Variants in ADAMTS2 observed in about 807,000 individuals in gnomAD.
ADAMTS2 encodes the protein ADAM metallopeptidase with thrombospondin type 1 motif 2.
ADAMTS2 carries 50 observed loss-of-function variants against 123.0 expected under a neutral mutation model. The observed-to-expected ratio is 0.41, with a 90% CI of 0.32 to 0.51. The LOEUF (loss-of-function observed/expected upper bound fraction) is 0.51. ADAMTS2 is among the 20% of genes least tolerant of loss of function. The pLI is 0.35. For synonymous variants in ADAMTS2, 678 were observed against 695.4 expected (o/e 0.98, Z 0.39); for missense variants, 1,494 against 1,705.2 (o/e 0.88, Z 2.18).
At position 179,115,390 on chromosome 5, in the gene ADAMTS2, A is replaced by G. The variant is rs1207926074; in HGVS notation, c.3179-1066T>C. 6.6e-6 allele frequency among the ~76,000 whole-genome samples: 1 copy of G among 152,244 alleles called. No homozygotes were observed. Among genetic ancestry groups the G allele is most frequent in the African/African-American group, 2.4e-5 (1 of 41,468 alleles). On this transcript the variant is annotated intron_variant, in intron 21 of 21. Coordinates refer to ENST00000251582, the MANE Select transcript of ADAMTS2 (RefSeq NM_014244.5). This position sits in a 1 kb window ranked among gnomAD's most constrained non-coding sequence, Gnocchi z 4.4. ...ATTTTAAAAAATTCACTCAAGAAGAAAGAATAAGTCATGTTACAGGAGATA... is the reference window on the plus strand; with the variant it reads ...ATTTTAAAAAATTCACTCAAGAAGAGAGAATAAGTCATGTTACAGGAGATA...
intron 2 of ADAMTS2, among the ~76,000 whole-genome samples, chr5:179,288,935 A>G (rs1482595065): frequency 6.6e-6 from 1 of 152,148 alleles, no homozygotes. Flanking sequence ...CGGCATCCAT[A>G]CCGCAGCACA....
intron 3 of ADAMTS2, among the ~76,000 whole-genome samples, chr5:179,233,524 A>G (rs1013157023): frequency 1.3e-5 from 2 of 152,114 alleles, no homozygotes; most frequent in South Asian, 2.1e-4. Flanking sequence ...TGTCTCCTCT[A>G]AAAAATACAA....
Position 179,130,726 on chromosome 5 carries a change from G to A in ADAMTS2, c.2291-628C>T, listed in dbSNP as rs1372741749. Among the ~76,000 whole-genome samples, 3 of 152,184 alleles carry A rather than the reference G, an allele frequency of 2.0e-5. No homozygotes were observed. The highest frequency in any genetic ancestry group is 4.4e-5 in the Non-Finnish European group (3 of 68,032). The stretch of plus-strand genomic sequence containing the variant: ...CAGTGTGGGGGGTGGCTGCTGCGGG[G>A]CAGCTGGGTGATGTGAGTGGGGCCG... On this transcript the variant is annotated intron_variant, in intron 15 of 21. Coordinates refer to ENST00000251582, the MANE Select transcript of ADAMTS2 (RefSeq NM_014244.5). This position sits in a 1 kb window ranked among gnomAD's most constrained non-coding sequence, Gnocchi z 4.3.
intron 3 of ADAMTS2, among the ~76,000 whole-genome samples, chr5:179,212,156 G>A (rs1320710749): frequency 6.6e-6 from 1 of 152,398 alleles, no homozygotes; most frequent in South Asian, 2.1e-4. Context: ...CTGCAACCTC[G>A]GGAGCATCGT....
Position 179,332,854 on chromosome 5 carries a change from C to T in ADAMTS2, c.534+10913G>A, listed in dbSNP as rs1239556236. Among the ~76,000 whole-genome samples the T allele has an allele frequency of 3.9e-5, 6 of 152,196 alleles. No individual in the cohort carries two copies. Among genetic ancestry groups the T allele is most frequent in the Non-Finnish European group, 8.8e-5 (6 of 68,034 alleles). On this transcript the variant is annotated intron_variant, in intron 2 of 21. Transcript: ENST00000251582. This position sits in a 1 kb window ranked among gnomAD's most constrained non-coding sequence, Gnocchi z 4.2. ...GGAGCACCAAGGAGGATGCCTACCA[C>T]TGCCCCCACCTTGCCCTGATCAGGT... is the stretch of plus-strand genomic sequence containing the variant.
chr5:179,146,442 A>C (rs1337856990), intron 10 of ADAMTS2, among the ~76,000 whole-genome samples: 1 of 152,156 alleles, frequency 6.6e-6, no homozygotes, highest in Non-Finnish European at 1.5e-5. Flanking sequence ...GCTTGACTTT[A>C]AGACACTCTT....
Position 179,128,191 on chromosome 5 carries a change from C to A in ADAMTS2, c.2458-73G>T. On this transcript the variant is annotated intron_variant, in intron 16 of 21. Coordinates refer to ENST00000251582, the MANE Select transcript of ADAMTS2 (RefSeq NM_014244.5). This position sits in a 1 kb window ranked among gnomAD's most constrained non-coding sequence, Gnocchi z 4.9. Reference sequence around the variant, plus strand: ...TCCTCCCCAGCCAGCTTAGGAACGGCAGCTGAGGCCGACTCCAGAGGAGTC... The same window carrying A: ...TCCTCCCCAGCCAGCTTAGGAACGGAAGCTGAGGCCGACTCCAGAGGAGTC... The A allele has an allele frequency of 6.3e-7, 1 of 1,578,176 alleles. No individual in the cohort carries two copies. The highest frequency in any genetic ancestry group is 8.6e-7 in the Non-Finnish European group (1 of 1,159,304).
At chr5:179,183,136 C>T (rs1262921416) in intron 4 of ADAMTS2, among the ~76,000 whole-genome samples, 1 of 152,228 alleles carries the variant, frequency 6.6e-6, no homozygotes, top group Non-Finnish European at 1.5e-5. Flanking sequence ...GTAGGGTATG[C>T]ACCCCTAAAC....
At chr5:179,140,984 T>A (rs370439919) in intron 10 of ADAMTS2, among the ~76,000 whole-genome samples, 4,665 of 151,638 alleles carry the variant, frequency 0.031, 254 homozygotes, top group African/African-American at 0.11. Context: ...ATTTTTTTTT[T>A]TTTTATTTTT....
Position 179,272,080 on chromosome 5 carries a change from T to C in ADAMTS2, c.688+831A>G, listed in dbSNP as rs1766551177. Among the ~76,000 whole-genome samples, 1 of 152,196 alleles carries C rather than the reference T, an allele frequency of 6.6e-6. No individual in the cohort carries two copies. The highest frequency in any genetic ancestry group is 2.4e-5 in the African/African-American group (1 of 41,456). On this transcript the variant is annotated intron_variant, in intron 3 of 21. Coordinates refer to ENST00000251582, the MANE Select transcript of ADAMTS2 (RefSeq NM_014244.5). This position sits in a 1 kb window ranked among gnomAD's most constrained non-coding sequence, Gnocchi z 5.8. ...GAGCCAAGCACAGGCCAGGAGTCCCTGACCACACGGGGGACCCTGAGAACT... is the reference window on the plus strand; with the variant it reads ...GAGCCAAGCACAGGCCAGGAGTCCCCGACCACACGGGGGACCCTGAGAACT...
At chr5:179,122,837 G>A in intron 19 of ADAMTS2, 64 bp from the exon 20 acceptor site, 2 of 1,548,196 alleles carry the variant, frequency 1.3e-6, no homozygotes, top group Non-Finnish European at 8.7e-7. Flanking sequence ...GGCAGAGCTG[G>A]AGGAGCCCAC....
rs1377901112 is a variant in ADAMTS2 at position 179,225,887 on chromosome 5, A to C, written c.689-18172T>G. ...ACAGAAAGCCCTCTGTCCTTGCGAC[A>C]AGGTAGAGGGTCTAACTGAGCTGGT... On this transcript the variant is annotated intron_variant, in intron 3 of 21. Transcript: ENST00000251582. The surrounding 1 kb of genome is among the most constrained non-coding windows in gnomAD (Gnocchi z 4.5). Among the ~76,000 whole-genome samples the C allele has an allele frequency of 6.6e-6, 1 of 152,238 alleles. No individual in the cohort carries two copies. The highest frequency in any genetic ancestry group is 1.5e-5 in the Non-Finnish European group (1 of 68,040).
At position 179,307,009 on chromosome 5, in the gene ADAMTS2, T is replaced by A. The variant is rs1461550594; in HGVS notation, c.535-33945A>T. On this transcript the variant is annotated intron_variant, in intron 2 of 21. Coordinates refer to ENST00000251582, the MANE Select transcript of ADAMTS2 (RefSeq NM_014244.5). The surrounding 1 kb of genome is among the most constrained non-coding windows in gnomAD (Gnocchi z 5.6). ...ACCAGGGCCAGTCCCACATCTGTTG[T>A]GGCCCTGGCAGGATCAACCCTGGGC... Among the ~76,000 whole-genome samples the A allele has an allele frequency of 6.6e-6, 1 of 152,106 alleles. No homozygotes were observed. Among genetic ancestry groups the A allele is most frequent in the Non-Finnish European group, 1.5e-5 (1 of 68,012 alleles).
chr5:179,204,801 TCCG>T (rs1429540439), intron 4 of ADAMTS2, among the ~76,000 whole-genome samples: 5 of 152,132 alleles, frequency 3.3e-5, no homozygotes, highest in African/African-American at 2.4e-5. Flanking sequence ...CCGCTGACCC[TCCG>T]CCGCCGGTCT....
intron 2 of ADAMTS2, among the ~76,000 whole-genome samples, chr5:179,341,729 A>AAAGG: frequency 6.9e-6 from 1 of 144,114 alleles, no homozygotes; most frequent in South Asian, 2.2e-4. Context: ...AAAAAAAAAA[A>AAAGG]AAAGAAAACA....
Position 179,307,148 on chromosome 5 carries a change from T to C in ADAMTS2, c.535-34084A>G, listed in dbSNP as rs1405482684. On this transcript the variant is annotated intron_variant, in intron 2 of 21. Transcript: ENST00000251582. This position sits in a 1 kb window ranked among gnomAD's most constrained non-coding sequence, Gnocchi z 5.6. ...AGCCCGGCCCAGACCCTCGCCCTGC[T>C]AGCATGAGACAGACACAGGGGGCCC... Among the ~76,000 whole-genome samples, 1 of 152,146 alleles carries C rather than the reference T, an allele frequency of 6.6e-6. No individual in the cohort carries two copies. Among genetic ancestry groups the C allele is most frequent in the African/African-American group, 2.4e-5 (1 of 41,456 alleles).
chr5:179,193,587 C>A (rs1247644156), intron 4 of ADAMTS2, among the ~76,000 whole-genome samples: 4 of 152,194 alleles, frequency 2.6e-5, no homozygotes, highest in Admixed American at 1.3e-4. Context: ...CACCCAGCCA[C>A]GAGGAGTTCC....
Position 179,117,777 on chromosome 5 carries a change from C to T in ADAMTS2, c.3179-3453G>A, listed in dbSNP as rs543921097. 6.6e-6 allele frequency among the ~76,000 whole-genome samples: 1 copy of T among 152,206 alleles called. No individual in the cohort carries two copies. Among genetic ancestry groups the T allele is most frequent in the South Asian group, 2.1e-4 (1 of 4,814 alleles). Reference sequence around the variant, plus strand: ...GGTCTTGAACTCCTGACCTTGTGATCCATCCACCTCAGCCTCCCAAAGTGC... The same window carrying T: ...GGTCTTGAACTCCTGACCTTGTGATTCATCCACCTCAGCCTCCCAAAGTGC... On this transcript the variant is annotated intron_variant, in intron 21 of 21. Transcript: ENST00000251582. This position sits in a 1 kb window ranked among gnomAD's most constrained non-coding sequence, Gnocchi z 4.2.
Position 179,344,155 on chromosome 5 carries a change from G to A in ADAMTS2, c.146C>T (p.Pro49Leu). Residue 49 changes from proline (P) to leucine (L), a missense_variant, in exon 2 of 22, where the codon CCC becomes CTC. Around this residue, in one of 6 missense-constraint regions of ADAMTS2, gnomAD observed 237 missense variants for 233.7 expected, o/e 1.01. Coordinates refer to ENST00000251582, the MANE Select transcript of ADAMTS2 (RefSeq NM_014244.5). ...LAAAADPPGG[P>L]LGHGAERILA... ...GATGCGCTCCGCTCCGTGCCCCAGG[G>A]GCCCGCCTGCAACGGGAAGGGGCGT... The A allele has an allele frequency of 6.3e-7, 1 of 1,598,156 alleles. No individual in the cohort carries two copies. Among genetic ancestry groups the A allele is most frequent in the East Asian group, 2.3e-5 (1 of 44,328 alleles).
Sources: gnomAD v4.1 joint callset for allele counts (sites outside exome capture counted in the v4.1 genomes callset) on GRCh38, gnomAD v4.1.1 for gene constraint, gnomAD v4.1.1 regional missense constraint, Gnocchi (gnomAD v3.1) non-coding constraint, MANE v1.5 for transcripts, NCBI Gene and HGNC (gene_info 2026-07-23, HGNC 2026-07-21) for gene names.